Variants in SORCS2 observed in about 807,000 individuals in gnomAD.
SORCS2 encodes sortilin related VPS10 domain containing receptor 2, also known as VPS10 domain-containing receptor SorCS2.
A neutral mutation model predicts 141.6 loss-of-function variants in SORCS2; 100 were observed. The observed-to-expected ratio is 0.71, with a 90% confidence interval of 0.60 to 0.83. SORCS2 has a LOEUF of 0.83. SORCS2 is among the 40% of genes least tolerant of loss of function. The pLI is 0.00. For synonymous variants in SORCS2, 789 were observed against 676.9 expected (o/e 1.17, Z -2.57); for missense variants, 1,646 against 1,560.2 (o/e 1.05, Z -0.93).
At position 7,621,639 on chromosome 4, in the gene SORCS2, C is replaced by G. The variant is rs73216644; in HGVS notation, c.649-16689C>G. Among the ~76,000 whole-genome samples the G allele has an allele frequency of 9.0e-3, 1,367 of 152,162 alleles. 10 individuals carry two copies. The highest frequency in any genetic ancestry group is 0.017 in the Middle Eastern group (5 of 294). On this transcript the variant is annotated intron_variant, in intron 3 of 26. Transcript: ENST00000507866. ...GGGGGTGGTGGTGATCAGATGAAAT[C>G]AGAGGTGGTGAAACATATTTTTAAA...
intron 16 of SORCS2, among the ~76,000 whole-genome samples, chr4:7,714,761 C>T (rs1726076896): frequency 6.6e-6 from 1 of 152,286 alleles, no homozygotes; most frequent in Middle Eastern, 3.4e-3. Context: ...CTGTGACTGC[C>T]CAGTGCCCAC....
chr4:7,593,774 T>C (rs1413117480), intron 3 of SORCS2, among the ~76,000 whole-genome samples: 9 of 152,196 alleles, frequency 5.9e-5, no homozygotes, highest in Admixed American at 4.6e-4. Flanking sequence ...CGGCTGTAAC[T>C]TACTTTACAG....
intron 10 of SORCS2, among the ~76,000 whole-genome samples, chr4:7,686,720 C>T (rs1025996878): frequency 1.3e-5 from 2 of 152,264 alleles, no homozygotes; most frequent in African/African-American, 4.8e-5. Flanking sequence ...CAGGCACCTC[C>T]AAGCCTGCCG....
chr4:7,219,824 C>T (rs531790066), intron 1 of SORCS2, among the ~76,000 whole-genome samples: 46 of 69,016 alleles, frequency 6.7e-4, no homozygotes, highest in African/African-American at 2.8e-3. Flanking sequence ...GTGGGTGGCC[C>T]GCAGGGCAGG....
chr4:7,591,197 CCTT>C (rs1301118111), intron 3 of SORCS2, among the ~76,000 whole-genome samples: 4 of 152,340 alleles, frequency 2.6e-5, no homozygotes, highest in East Asian at 3.9e-4. Flanking sequence ...CCCACCTTCT[CCTT>C]CTTCTCTTGT....
chr4:7,384,374 C>G (rs895354231), intron 1 of SORCS2, among the ~76,000 whole-genome samples: 1 of 152,116 alleles, frequency 6.6e-6, no homozygotes, highest in Non-Finnish European at 1.5e-5. Flanking sequence ...GAGACGGTGA[C>G]GAGAAGTGGC....
At chr4:7,638,099 A>G (rs1040607120) in intron 3 of SORCS2, among the ~76,000 whole-genome samples, 7 of 151,706 alleles carry the variant, frequency 4.6e-5, no homozygotes, top group African/African-American at 1.2e-4. Flanking sequence ...CCATGAATGG[A>G]TGGCTATAGT....
At chr4:7,241,102 A>AT (rs1183311732) in intron 1 of SORCS2, among the ~76,000 whole-genome samples, 3 of 151,600 alleles carry the variant, frequency 2.0e-5, no homozygotes, top group Middle Eastern at 3.4e-3. Flanking sequence ...GCCTGGCTAA[A>AT]TTTTTTTTGT....
chr4:7,628,739 G>T (rs1029318554), intron 3 of SORCS2, among the ~76,000 whole-genome samples: 2 of 152,090 alleles, frequency 1.3e-5, no homozygotes, highest in African/African-American at 2.4e-5. Flanking sequence ...GGGGCTTCCC[G>T]CGGTGGGAGC....
chr4:7,516,317 C>G (rs7688472), intron 2 of SORCS2, among the ~76,000 whole-genome samples: 41,117 of 151,882 alleles, frequency 0.27, 6,113 homozygotes, highest in Middle Eastern at 0.41. Flanking sequence ...GCCTCTTGCT[C>G]TTGTTTTCAC....
At position 7,630,663 on chromosome 4, in the gene SORCS2, T is replaced by C. The variant is rs368699141; in HGVS notation, c.649-7665T>C. Among the ~76,000 whole-genome samples the C allele has an allele frequency of 3.9e-5, 6 of 152,216 alleles. No homozygotes were observed. The East Asian group carries it at 7.7e-4, about 20-fold the overall frequency. On this transcript the variant is annotated intron_variant, in intron 3 of 26. Transcript: ENST00000507866. ...ATTCAGCCACAGGGGAAGCGCCGGGTGGAAGAATGCTTTCTGCTCATTGTG... is the reference window on the plus strand; with the variant it reads ...ATTCAGCCACAGGGGAAGCGCCGGGCGGAAGAATGCTTTCTGCTCATTGTG...
At position 7,702,594 on chromosome 4, in the gene SORCS2, G is replaced by C. The variant is rs574859982; in HGVS notation, c.1669-686G>C. Among the ~76,000 whole-genome samples the C allele has an allele frequency of 1.5e-4, 23 of 152,326 alleles. No individual in the cohort carries two copies. The South Asian group carries it at 4.6e-3, about 30-fold the overall frequency. On this transcript the variant is annotated intron_variant, in intron 12 of 26. Transcript: ENST00000507866. The stretch of plus-strand genomic sequence containing the variant: ...GGCCACCCTCAGTATCCACTCCTGG[G>C]TAAGCCCTGTCCAGGCTACTCAGCC...
chr4:7,387,843 C>CACAGAGACACATGTACAG (rs1723538205), intron 1 of SORCS2, among the ~76,000 whole-genome samples: 1 of 48,418 alleles, frequency 2.1e-5, no homozygotes, highest in African/African-American at 1.1e-4. Flanking sequence ...CATACATACA[C>CACAGAGACACATGTACAG]ATGCACACAC....
intron 2 of SORCS2, chr4:7,435,122 G>A: frequency 1.8e-6 from 1 of 543,360 alleles, no homozygotes; most frequent in Non-Finnish European, 3.2e-6. Flanking sequence ...AGTTTTCTGA[G>A]CCTAGCTGAT....
At chr4:7,525,779 GCAGTCACCTGTCCCCTCCTC>G in intron 2 of SORCS2, among the ~76,000 whole-genome samples, 1 of 84,392 alleles carries the variant, frequency 1.2e-5, no homozygotes. Flanking sequence ...GTCCCCTCCT[GCAGTCACCTGTCCCCTCCTC>G]ATACCTGTTC....
At chr4:7,689,316 T>C (rs1724067079) in intron 10 of SORCS2, among the ~76,000 whole-genome samples, 170 bp from the exon 11 acceptor site, 1 of 152,096 alleles carries the variant, frequency 6.6e-6, no homozygotes, top group Admixed American at 6.5e-5. Flanking sequence ...ACCCTTTCCC[T>C]AAAGGTCAGC....
At chr4:7,428,100 C>A (rs1422518130) in intron 2 of SORCS2, among the ~76,000 whole-genome samples, 2 of 152,090 alleles carry the variant, frequency 1.3e-5, no homozygotes, top group Admixed American at 1.3e-4. Flanking sequence ...GGGGTGGGGC[C>A]CATCTGCCCG....
chr4:7,446,196 G>GGT (rs1727986576), intron 2 of SORCS2, among the ~76,000 whole-genome samples: 1 of 151,160 alleles, frequency 6.6e-6, no homozygotes, highest in Non-Finnish European at 1.5e-5. Flanking sequence ...GGAGGGGAGG[G>GGT]AAGAAAAGAA....
Position 7,455,474 on chromosome 4 carries a change from A to ATTGGGGTCAGGCTCCGTG in SORCS2, c.548+59148_548+59165dup, listed in dbSNP as rs1428759128. Among the ~76,000 whole-genome samples the ATTGGGGTCAGGCTCCGTG allele has an allele frequency of 1.8e-4, 8 of 44,198 alleles. No homozygotes were observed. The East Asian group carries it at 5.9e-3, about 33-fold the overall frequency. 29.0% of individuals were successfully genotyped at this position (44,198 alleles called of 152,430 possible). A position where few individuals can be genotyped will look rare whatever the true frequency, so the allele number is the denominator to read the frequency against. On this transcript the variant is annotated intron_variant, in intron 2 of 26. Transcript: ENST00000507866. The stretch of plus-strand genomic sequence containing the variant: ...GCTGTGTGTTGGGGTCAGGTGCTGT[A>ATTGGGGTCAGGCTCCGTG]TTGGGGTCAGGCTCCGTGTTGGGGT...
Sources: allele counts gnomAD v4.1 joint callset (sites outside exome capture counted in the v4.1 genomes callset), GRCh38; gene constraint gnomAD v4.1.1; transcripts MANE v1.5; gene names NCBI Gene and HGNC (gene_info 2026-07-23, HGNC 2026-07-21).